ZNF618: variants seen among roughly 807,000 people sequenced by gnomAD.
ZNF618 encodes the protein zinc finger protein 618.
Under a neutral mutation model 103.0 loss-of-function variants are expected in ZNF618, and 34 were observed. That is an observed-to-expected ratio of 0.33 (90% CI 0.25 to 0.44). The LOEUF (loss-of-function observed/expected upper bound fraction) is 0.44. Among genes scored for constraint, ZNF618 ranks in the 20% least tolerant of loss-of-function variants. The pLI, the probability that ZNF618 is intolerant of heterozygous loss-of-function variation, is 1.00. For synonymous variants in ZNF618, 551 were observed against 542.2 expected, an observed-to-expected ratio of 1.02 and a Z score of -0.23; for missense variants, 1,059 against 1,295.4, an observed-to-expected ratio of 0.82 and a Z score of 2.80.
intron 1 of ZNF618, among the ~76,000 whole-genome samples, chr9:113,885,834 G>A (rs939409986): frequency 2.0e-5 from 3 of 152,362 alleles, no homozygotes; most frequent in Non-Finnish European, 1.5e-5. Context: ...GAGGAAGGCT[G>A]AGGTGAGGAT....
rs78368431 is a variant in ZNF618, at chr9:114,014,268, G to A, written c.755-2427G>A. ...ATTAGAAGGCAAAGCTTGTGAGGTT[G>A]ATTTAAAATAATCCAGTTATTAATG... is the stretch of plus-strand genomic sequence containing the variant. On this transcript the variant is annotated intron_variant, in intron 9 of 14. Coordinates refer to ENST00000374126, the MANE Select transcript of ZNF618 (RefSeq NM_001318042.2). Among the ~76,000 whole-genome samples, 1,020 of 152,310 alleles carry A rather than the reference G, an allele frequency of 6.7e-3. 18 individuals are homozygous for A. Among genetic ancestry groups the A allele is most frequent in the African/African-American group, 0.023 (941 of 41,572 alleles).
Position 113,924,220 on chromosome 9 carries a change from A to G in ZNF618, c.34-44897A>G, listed in dbSNP as rs759742277. ...TAATAGATACAGGCATTTTTAGATGATATGTTTCTCCTTATCTGAGTTTTG... is the reference window on the plus strand; with the variant it reads ...TAATAGATACAGGCATTTTTAGATGGTATGTTTCTCCTTATCTGAGTTTTG... On this transcript the variant is annotated intron_variant, in intron 1 of 14. Coordinates refer to ENST00000374126, the MANE Select transcript of ZNF618 (RefSeq NM_001318042.2). Among the ~76,000 whole-genome samples the G allele has an allele frequency of 2.2e-4, 34 of 151,962 alleles. 1 individual carries two copies. Among genetic ancestry groups the G allele is most frequent in the Middle Eastern group, 3.4e-3 (1 of 294 alleles).
chr9:114,019,659 A>G (rs184032408), intron 10 of ZNF618, among the ~76,000 whole-genome samples: 75 of 152,220 alleles, frequency 4.9e-4, no homozygotes, highest in Middle Eastern at 3.4e-3. Context: ...TTGTCTCTTT[A>G]GGTCTTCTGC....
At chr9:113,943,152 C>G (rs1166721497) in intron 1 of ZNF618, among the ~76,000 whole-genome samples, 1 of 152,174 alleles carries the variant, frequency 6.6e-6, no homozygotes, top group Non-Finnish European at 1.5e-5. Flanking sequence ...TTTTGAGCAT[C>G]TTTTTTCTGT....
intron 10 of ZNF618, among the ~76,000 whole-genome samples, chr9:114,022,515 G>C (rs577117543): frequency 3.8e-4 from 52 of 137,572 alleles, no homozygotes; most frequent in Middle Eastern, 9.2e-3. Flanking sequence ...AACATATTCT[G>C]TATTTTCCAG....
At chr9:113,976,195 A>G (rs1319188765) in intron 2 of ZNF618, among the ~76,000 whole-genome samples, 3 of 152,166 alleles carry the variant, frequency 2.0e-5, no homozygotes, top group Non-Finnish European at 4.4e-5. Context: ...AGGGCACTTG[A>G]ACTTTGGGTG....
intron 3 of ZNF618, among the ~76,000 whole-genome samples, chr9:113,996,861 A>G (rs116217243): frequency 0.017 from 2,581 of 152,266 alleles, 63 homozygotes; most frequent in African/African-American, 0.053. Context: ...AGCTTGCCTG[A>G]CATCCAGCAG....
chr9:114,021,894 A>G (rs535887066), intron 10 of ZNF618, among the ~76,000 whole-genome samples: 5 of 152,216 alleles, frequency 3.3e-5, no homozygotes, highest in African/African-American at 1.2e-4. Flanking sequence ...TTTGAGATTC[A>G]TCTATGCTTA....
At chr9:113,884,266 C>T (rs889063656) in intron 1 of ZNF618, among the ~76,000 whole-genome samples, 1 of 152,144 alleles carries the variant, frequency 6.6e-6, no homozygotes, top group Non-Finnish European at 1.5e-5. Flanking sequence ...AGAGCATAGT[C>T]GGAGAGCCAA....
At chr9:113,944,010 C>T (rs140106642) in intron 1 of ZNF618, among the ~76,000 whole-genome samples, 3 of 152,292 alleles carry the variant, frequency 2.0e-5, no homozygotes, top group East Asian at 3.9e-4. Context: ...GGATGGGGAA[C>T]GTGATGGGTG....
chr9:114,048,998 C>T lies in ZNF618; in HGVS notation c.1696C>T (p.Leu566Phe), dbSNP rs868289933. 1.2e-6 allele frequency: 2 copies of T among 1,613,440 alleles called. No homozygotes were observed. The highest frequency in any genetic ancestry group is 1.7e-6 in the Non-Finnish European group (2 of 1,179,578). Reference sequence around the variant, plus strand: ...TGTTGGCCCTGACTCCTGCTACATCCTCACAGCCTACCAGGCCGAGGGCAA... The same window carrying T: ...TGTTGGCCCTGACTCCTGCTACATCTTCACAGCCTACCAGGCCGAGGGCAA... ...QSVGPDSCYI[L>F]TAYQAEGNHI... The change falls in exon 15 of 15, where the codon CTC becomes TTC. Residue 566 changes from leucine to phenylalanine, a missense_variant. Around this residue, in one of 6 missense-constraint regions of ZNF618, gnomAD observed 272 missense variants for 380.1 expected, o/e 0.72. Coordinates refer to ENST00000374126, the MANE Select transcript of ZNF618 (RefSeq NM_001318042.2).
intron 1 of ZNF618, among the ~76,000 whole-genome samples, chr9:113,910,633 T>C (rs1831448192): frequency 6.6e-6 from 1 of 152,134 alleles, no homozygotes. Context: ...CAGTAATTTG[T>C]CCAATTATCT....
chr9:114,033,534 G>A (rs890015341), intron 12 of ZNF618, among the ~76,000 whole-genome samples: 1 of 152,118 alleles, frequency 6.6e-6, no homozygotes, highest in African/African-American at 2.4e-5. Context: ...GAGGCTCTAG[G>A]TGGTCTCTGG....
At chr9:113,970,999 A>G (rs978062860) in intron 2 of ZNF618, among the ~76,000 whole-genome samples, 7 of 145,912 alleles carry the variant, frequency 4.8e-5, no homozygotes, top group Non-Finnish European at 9.0e-5. Flanking sequence ...GGAGACAGGG[A>G]GTGTGGGAGA....
At chr9:113,909,821 G>A (rs1459396023) in intron 1 of ZNF618, among the ~76,000 whole-genome samples, 4 of 150,732 alleles carry the variant, frequency 2.7e-5, no homozygotes, top group African/African-American at 9.8e-5. Context: ...GTCTCGCTCT[G>A]TCACCCAGGC....
chr9:113,983,904 A>C (rs1245470724), intron 2 of ZNF618, among the ~76,000 whole-genome samples: 2 of 152,118 alleles, frequency 1.3e-5, no homozygotes, highest in Non-Finnish European at 2.9e-5. Flanking sequence ...CTGCTGTTCC[A>C]GTGGGCCCCG....
At chr9:113,973,335 C>CT (rs916016311) in intron 2 of ZNF618, among the ~76,000 whole-genome samples, 2 of 152,218 alleles carry the variant, frequency 1.3e-5, no homozygotes, top group Non-Finnish European at 2.9e-5. Flanking sequence ...ATGGCACACT[C>CT]TGCTACTACG....
rs1843773264 is a variant in ZNF618 at position 114,029,092 on chromosome 9, T to C, written c.1084+120T>C. 1.4e-5 allele frequency: 20 copies of C among 1,389,672 alleles called. No homozygotes were observed. In the South Asian group the frequency reaches 2.3e-4, roughly 16 times the overall value. 86.1% of individuals were successfully genotyped at this position (1,389,672 alleles called of 1,614,324 possible). On this transcript the variant is annotated intron_variant, in intron 11 of 14. Coordinates refer to ENST00000374126, the MANE Select transcript of ZNF618 (RefSeq NM_001318042.2). The stretch of plus-strand genomic sequence containing the variant: ...AGCAAGAGTGGCAGTCCCGTAGTGA[T>C]CTGGGACAAATCTGAGTCCCAGCTC...
Position 113,970,207 on chromosome 9 carries a change from ACTT to A in ZNF618, c.77+1051_77+1053del, listed in dbSNP as rs1485688339. 4.6e-5 allele frequency among the ~76,000 whole-genome samples: 7 copies of A among 152,078 alleles called. No individual in the cohort carries two copies. In the East Asian group the frequency reaches 1.3e-3, roughly 29 times the overall value. ...AGAGAGAGAGAATCATGTTTCTCAAACTTCTTAACTATGGGACCCCTTTTTTTT... is the reference window on the plus strand; with the variant it reads ...AGAGAGAGAGAATCATGTTTCTCAAACTTAACTATGGGACCCCTTTTTTTT... On this transcript the variant is annotated intron_variant, in intron 2 of 14. Coordinates refer to ENST00000374126, the MANE Select transcript of ZNF618 (RefSeq NM_001318042.2).
Sources: gnomAD v4.1 joint callset for allele counts (sites outside exome capture counted in the v4.1 genomes callset) on GRCh38, gnomAD v4.1.1 for gene constraint, gnomAD v4.1.1 regional missense constraint, MANE v1.5 for transcripts, NCBI Gene and HGNC (gene_info 2026-07-23, HGNC 2026-07-21) for gene names.